Variants in KLHL1 observed in about 807,000 individuals in gnomAD.
KLHL1 encodes kelch-like protein 1.
A neutral mutation model predicts 77.7 loss-of-function variants in KLHL1; 47 were observed. The observed-to-expected ratio is 0.60, with a 90% CI of 0.48 to 0.77. The LOEUF (loss-of-function observed/expected upper bound fraction) is 0.77, where lower values mean the gene tolerates loss of function less well. Among genes scored for constraint, KLHL1 ranks in the 30% least tolerant of loss-of-function variants. The pLI, the probability that KLHL1 is intolerant of heterozygous loss-of-function variation, is 0.00. For missense variants in KLHL1, 925 were observed against 910.8 expected (o/e 1.02, Z -0.20); for synonymous variants, 360 against 325.2 (o/e 1.11, Z -1.15).
intron 7 of KLHL1, among the ~76,000 whole-genome samples, chr13:69,778,474 A>G (rs911229364): frequency 3.9e-5 from 6 of 152,206 alleles, no homozygotes; most frequent in Admixed American, 2.0e-4. Context: ...CAAATTCTTA[A>G]CATCATTGCC....
chr13:69,795,344 A>G (rs180777027), intron 7 of KLHL1, among the ~76,000 whole-genome samples: 1 of 152,342 alleles, frequency 6.6e-6, no homozygotes. Context: ...TGCTGGGAAC[A>G]TGAACATTGA....
chr13:69,760,013 G>A (rs928092572), intron 7 of KLHL1, among the ~76,000 whole-genome samples: 2 of 152,104 alleles, frequency 1.3e-5, no homozygotes, highest in African/African-American at 4.8e-5. Context: ...ACACCCTCAC[G>A]AATGGAGGTT....
chr13:70,089,010 C>G (rs1185274749), intron 1 of KLHL1, among the ~76,000 whole-genome samples: 1 of 151,950 alleles, frequency 6.6e-6, no homozygotes, highest in Non-Finnish European at 1.5e-5. Context: ...ATCAGAAAAC[C>G]CAGCAGGGCA....
intron 7 of KLHL1, among the ~76,000 whole-genome samples, chr13:69,750,020 C>A (rs1313599588): frequency 1.3e-5 from 2 of 151,264 alleles, no homozygotes; most frequent in Non-Finnish European, 3.0e-5. Context: ...AAAGCATTAG[C>A]CTGTAAAATG....
intron 1 of KLHL1, among the ~76,000 whole-genome samples, chr13:70,048,847 G>A (rs1209398501): frequency 6.6e-6 from 1 of 152,208 alleles, no homozygotes; most frequent in African/African-American, 2.4e-5. Flanking sequence ...ACTGGTCTGT[G>A]GGCTGCGGGT....
At chr13:69,878,528 A>G (rs774962268) in intron 5 of KLHL1, among the ~76,000 whole-genome samples, 12 of 151,726 alleles carry the variant, frequency 7.9e-5, no homozygotes, top group Non-Finnish European at 1.3e-4. Flanking sequence ...GAAAATATAG[A>G]CTCTTGCCTC....
At chr13:69,890,418 C>T (rs1219734764) in intron 4 of KLHL1, among the ~76,000 whole-genome samples, 1 of 151,886 alleles carries the variant, frequency 6.6e-6, no homozygotes, top group Non-Finnish European at 1.5e-5. Flanking sequence ...ATTCCATACA[C>T]TTTTACTGTG....
chr13:69,908,388 G>C (rs905286035), intron 4 of KLHL1, among the ~76,000 whole-genome samples: 3 of 151,696 alleles, frequency 2.0e-5, no homozygotes, highest in African/African-American at 7.2e-5. Flanking sequence ...GAAACGGTGT[G>C]AGAGAAGATT....
chr13:69,836,514 C>T (rs1878996253), intron 6 of KLHL1, among the ~76,000 whole-genome samples: 1 of 152,060 alleles, frequency 6.6e-6, no homozygotes, highest in Non-Finnish European at 1.5e-5. Context: ...CTGGTATAAA[C>T]ATTGAAAGCC....
At chr13:69,734,250 C>T (rs1873674425) in intron 8 of KLHL1, among the ~76,000 whole-genome samples, 1 of 152,128 alleles carries the variant, frequency 6.6e-6, no homozygotes. Flanking sequence ...ATGTGATGTG[C>T]CTGCTCCCCC....
chr13:69,871,344 A>AG (rs1479754045), intron 5 of KLHL1, among the ~76,000 whole-genome samples: 13 of 152,116 alleles, frequency 8.5e-5, no homozygotes, highest in African/African-American at 3.1e-4. Flanking sequence ...CTGTGATGGA[A>AG]GGGGCTGCCT....
chr13:70,017,215 C>G (rs1593677004), intron 1 of KLHL1, among the ~76,000 whole-genome samples: 1 of 152,234 alleles, frequency 6.6e-6, no homozygotes, highest in East Asian at 1.9e-4. Context: ...ACACCTCCTA[C>G]TTGCCATGTT....
At chr13:69,788,693 A>G (rs1876698676) in intron 7 of KLHL1, among the ~76,000 whole-genome samples, 1 of 152,058 alleles carries the variant, frequency 6.6e-6, no homozygotes, top group Non-Finnish European at 1.5e-5. Flanking sequence ...ATTTATGTAT[A>G]TCTTAACTCA....
intron 9 of KLHL1, among the ~76,000 whole-genome samples, chr13:69,716,394 C>G (rs915566411): frequency 2.0e-5 from 3 of 151,174 alleles, no homozygotes; most frequent in African/African-American, 7.3e-5. Flanking sequence ...GCACATGGCA[C>G]CTAGTTTAGT....
chr13:70,024,324 C>G (rs1469737809), intron 1 of KLHL1, among the ~76,000 whole-genome samples: 4 of 151,620 alleles, frequency 2.6e-5, no homozygotes, highest in African/African-American at 9.7e-5. Context: ...TTCATGATAA[C>G]CATAACACTT....
At chr13:69,809,304 A>C (rs1877759606) in intron 6 of KLHL1, among the ~76,000 whole-genome samples, 1 of 152,196 alleles carries the variant, frequency 6.6e-6, no homozygotes, top group Non-Finnish European at 1.5e-5. Flanking sequence ...AAGGCAACTA[A>C]GAAAAAGGGT....
At chr13:69,994,709 A>G (rs1389151879) in intron 1 of KLHL1, among the ~76,000 whole-genome samples, 3 of 152,146 alleles carry the variant, frequency 2.0e-5, no homozygotes, top group Non-Finnish European at 4.4e-5. Flanking sequence ...CCAAGAATCC[A>G]GAGGAGTGGA....
chr13:70,088,487 C>A (rs1887597354), intron 1 of KLHL1, among the ~76,000 whole-genome samples: 1 of 152,104 alleles, frequency 6.6e-6, no homozygotes, highest in Non-Finnish European at 1.5e-5. Context: ...CAAGACCAAC[C>A]TGCACAATGC....
chr13:69,858,483 G>T lies in KLHL1; in HGVS notation c.1228-19321C>A, dbSNP rs550805807. ...TAAAAATTAAATTACTTTTCTCCTT[G>T]TAAAAATATGAGTTAAAGTGATTAA... On this transcript the variant is annotated intron_variant, in intron 5 of 10. Coordinates refer to ENST00000377844, the MANE Select transcript of KLHL1 (RefSeq NM_020866.3). Among the ~76,000 whole-genome samples, 38 of 152,034 alleles carry T rather than the reference G, an allele frequency of 2.5e-4. 1 individual carries two copies. In the South Asian group the frequency reaches 7.9e-3, roughly 32 times the overall value.
Sources: gnomAD v4.1 joint callset for allele counts (sites outside exome capture counted in the v4.1 genomes callset) on GRCh38, gnomAD v4.1.1 for gene constraint, MANE v1.5 for transcripts, NCBI Gene and HGNC (gene_info 2026-07-23, HGNC 2026-07-21) for gene names.